Variants in EFCAB5 observed in about 807,000 individuals in gnomAD.
EFCAB5 encodes the protein EF-hand calcium-binding domain-containing protein 5.
A neutral mutation model predicts 167.9 loss-of-function variants in EFCAB5; 131 were observed. The ratio of observed to expected loss-of-function variants is 0.78; its 90% confidence interval spans 0.68 to 0.90. EFCAB5 has a LOEUF of 0.90. EFCAB5 is among the 40% of genes least tolerant of loss of function. The pLI, the probability that EFCAB5 is intolerant of heterozygous loss-of-function variation, is 0.00. For missense variants in EFCAB5, 1,663 were observed against 1,745.2 expected, an observed-to-expected ratio of 0.95 and a Z score of 0.84; for synonymous variants, 574 against 602.8, an observed-to-expected ratio of 0.95 and a Z score of 0.70.
At chr17:30,018,715 C>T (rs995360762) in intron 7 of EFCAB5, among the ~76,000 whole-genome samples, 1 of 152,156 alleles carries the variant, frequency 6.6e-6, no homozygotes, top group Non-Finnish European at 1.5e-5. Context: ...TACACCTAAA[C>T]TCTACCCTTT....
At chr17:30,032,485 C>T (rs1244892019) in intron 7 of EFCAB5, among the ~76,000 whole-genome samples, 1 of 152,114 alleles carries the variant, frequency 6.6e-6, no homozygotes, top group Admixed American at 6.6e-5. Context: ...ATCTCTTTTT[C>T]TTCTGGAGAA....
rs2151579119 is a variant in EFCAB5 at position 29,969,286 on chromosome 17, C to T, written c.686C>T (p.Pro229Leu). 6.2e-7 allele frequency: 1 copy of T among 1,613,252 alleles called. No individual in the cohort carries two copies. The highest frequency in any genetic ancestry group is 2.2e-5 in the East Asian group (1 of 44,840). Residue 229 changes from proline to leucine, a missense_variant, in exon 4 of 23, where the codon CCA (proline) becomes CTA (leucine). Physicochemically the swap from Pro to Leu is moderately conservative, Grantham distance 98. Coordinates refer to ENST00000394835, the MANE Select transcript of EFCAB5 (RefSeq NM_198529.4). ...IRNNPNYIKD[P>L]GMSGYQRLMK... ...AACAATCCTAATTATATCAAAGACC[C>T]AGGAATGTCTGGTTACCAGAGGTTG...
chr17:29,957,261 T>G (rs1440265293), intron 3 of EFCAB5, among the ~76,000 whole-genome samples: 1 of 152,222 alleles, frequency 6.6e-6, no homozygotes, highest in Non-Finnish European at 1.5e-5. Context: ...GTGATTAACT[T>G]ACATATATTG....
At chr17:29,972,204 ATTTT>A (rs11409322) in intron 4 of EFCAB5, among the ~76,000 whole-genome samples, 1 of 127,452 alleles carries the variant, frequency 7.8e-6, no homozygotes, top group Non-Finnish European at 1.6e-5. Context: ...CGCCCGGCTA[ATTTT>A]TTTTTTTTTT....
At chr17:30,101,732 C>T (rs1452235726) in intron 22 of EFCAB5, among the ~76,000 whole-genome samples, 3 of 152,150 alleles carry the variant, frequency 2.0e-5, no homozygotes, top group Admixed American at 1.3e-4. Context: ...GTGTGGTAAC[C>T]GGAGGAGGAA....
chr17:29,979,407 T>C (rs2068127111), intron 4 of EFCAB5, among the ~76,000 whole-genome samples: 2 of 152,172 alleles, frequency 1.3e-5, no homozygotes, highest in African/African-American at 4.8e-5. Flanking sequence ...CTATCTGAGC[T>C]ACCCAGCATA....
intron 22 of EFCAB5, among the ~76,000 whole-genome samples, chr17:30,096,670 TATA>T (rs1382112262): frequency 8.4e-4 from 52 of 61,996 alleles, no homozygotes; most frequent in African/African-American, 3.6e-3. Context: ...TATATATATA[TATA>T]TATATTTTTT....
At chr17:30,076,398 T>C (rs372852810) in intron 14 of EFCAB5, among the ~76,000 whole-genome samples, 1 of 152,160 alleles carries the variant, frequency 6.6e-6, no homozygotes, top group Non-Finnish European at 1.5e-5. Context: ...TTCAAACACA[T>C]GATCAGAGAT....
intron 19 of EFCAB5, among the ~76,000 whole-genome samples, chr17:30,090,054 C>T (rs1199218164): frequency 1.3e-5 from 2 of 152,198 alleles, no homozygotes; most frequent in East Asian, 3.9e-4. Flanking sequence ...CGACCTAACA[C>T]ACTCATCATT....
chr17:30,003,857 T>A (rs1336597606), intron 7 of EFCAB5, among the ~76,000 whole-genome samples: 1 of 152,236 alleles, frequency 6.6e-6, no homozygotes, highest in Non-Finnish European at 1.5e-5. Flanking sequence ...ATACAATATG[T>A]GATCTTCTGT....
At chr17:29,977,183 A>C (rs1208480448) in intron 4 of EFCAB5, among the ~76,000 whole-genome samples, 1 of 152,114 alleles carries the variant, frequency 6.6e-6, no homozygotes, top group African/African-American at 2.4e-5. Flanking sequence ...TTTGAAGGTC[A>C]TTACCACCTT....
intron 8 of EFCAB5, among the ~76,000 whole-genome samples, chr17:30,045,712 A>G (rs2069906852): frequency 1.3e-5 from 2 of 151,954 alleles, no homozygotes; most frequent in East Asian, 1.9e-4. Flanking sequence ...AAAATAAACA[A>G]AAATTACCTG....
chr17:30,057,342 G>T (rs544504588), intron 12 of EFCAB5, among the ~76,000 whole-genome samples: 1 of 152,326 alleles, frequency 6.6e-6, no homozygotes, highest in African/African-American at 2.4e-5. Context: ...CAAAAAGAGT[G>T]ATTCGTCCCT....
At chr17:29,955,383 A>G (rs535129670) in intron 3 of EFCAB5, among the ~76,000 whole-genome samples, 1 of 152,212 alleles carries the variant, frequency 6.6e-6, no homozygotes, top group South Asian at 2.1e-4. Context: ...TAGTGAATAA[A>G]TCTCACAAGA....
At chr17:30,085,223 G>C (rs767363960) in intron 18 of EFCAB5, among the ~76,000 whole-genome samples, 1 of 151,980 alleles carries the variant, frequency 6.6e-6, no homozygotes, top group Non-Finnish European at 1.5e-5. Flanking sequence ...GAGTCATAGA[G>C]GAAAAAAATT....
intron 3 of EFCAB5, among the ~76,000 whole-genome samples, chr17:29,964,926 G>C (rs1351640522): frequency 1.3e-5 from 2 of 150,738 alleles, no homozygotes; most frequent in Non-Finnish European, 2.9e-5. Flanking sequence ...TTTTGAGACA[G>C]AGTCTCACTC....
intron 22 of EFCAB5, among the ~76,000 whole-genome samples, chr17:30,104,300 G>T (rs1048334923): frequency 6.6e-6 from 1 of 152,126 alleles, no homozygotes; most frequent in Non-Finnish European, 1.5e-5. Context: ...ATCCCCAAAA[G>T]ATTTAACTTT....
intron 22 of EFCAB5, among the ~76,000 whole-genome samples, chr17:30,100,686 C>T (rs188003918): frequency 6.6e-6 from 1 of 151,760 alleles, no homozygotes; most frequent in East Asian, 1.9e-4. Context: ...TGAATTGTTG[C>T]AACCCAGGAG....
intron 3 of EFCAB5, among the ~76,000 whole-genome samples, chr17:29,956,553 G>A (rs1405482426): frequency 1.3e-5 from 2 of 152,220 alleles, no homozygotes; most frequent in Non-Finnish European, 2.9e-5. Context: ...ACAACAGTAG[G>A]TTATGGTCTT....
Sources: allele counts gnomAD v4.1 joint callset (sites outside exome capture counted in the v4.1 genomes callset), GRCh38; gene constraint gnomAD v4.1.1; transcripts MANE v1.5; gene names NCBI Gene and HGNC (gene_info 2026-07-23, HGNC 2026-07-21).